EFNA5: variants seen among roughly 807,000 people sequenced by gnomAD.
EFNA5 encodes ephrin A5.
Under a neutral mutation model 22.9 loss-of-function variants are expected in EFNA5, and 5 were observed. The ratio of observed to expected loss-of-function variants is 0.22; its 90% CI spans 0.11 to 0.46. The LOEUF is 0.46. Ranked by LOEUF, EFNA5 falls within the 20% of genes least tolerant of loss-of-function variation. EFNA5 has a pLI of 0.99. For synonymous variants in EFNA5, 113 were observed against 112.2 expected (o/e 1.01, Z -0.04); for missense variants, 237 against 293.3 (o/e 0.81, Z 1.40).
intron 1 of EFNA5, among the ~76,000 whole-genome samples, chr5:107,572,624 G>A (rs1454237569): frequency 6.6e-6 from 1 of 152,176 alleles, no homozygotes; most frequent in African/African-American, 2.4e-5. Flanking sequence ...TAAATTATTA[G>A]CACATGGACA....
At chr5:107,645,237 T>C (rs1306345049) in intron 1 of EFNA5, among the ~76,000 whole-genome samples, 1 of 152,220 alleles carries the variant, frequency 6.6e-6, no homozygotes, top group African/African-American at 2.4e-5. Flanking sequence ...GTGAAAAGCT[T>C]CAAACAAGGG....
intron 1 of EFNA5, among the ~76,000 whole-genome samples, chr5:107,599,328 A>C (rs9686509): frequency 0.5 from 76,743 of 152,086 alleles, 21,002 homozygotes; most frequent in African/African-American, 0.69. Context: ...ACATATTTCC[A>C]ATTTAAAAAG....
intron 1 of EFNA5, among the ~76,000 whole-genome samples, chr5:107,436,470 A>G (rs1749113457): frequency 6.6e-6 from 1 of 152,194 alleles, no homozygotes; most frequent in South Asian, 2.1e-4. Flanking sequence ...AGATCACTTC[A>G]AATGGCTTTC....
chr5:107,408,961 T>C (rs137978897), intron 2 of EFNA5, among the ~76,000 whole-genome samples: 188 of 152,322 alleles, frequency 1.2e-3, no homozygotes, highest in African/African-American at 4.5e-3. Flanking sequence ...GAAGGTTCTG[T>C]ATGGGATGGA....
chr5:107,582,099 G>GT (rs1749085115), intron 1 of EFNA5, among the ~76,000 whole-genome samples: 1 of 152,080 alleles, frequency 6.6e-6, no homozygotes, highest in Admixed American at 6.5e-5. Context: ...AAAGATGAGT[G>GT]TAACAAAAAA....
chr5:107,484,394 C>A (rs1746521824), intron 1 of EFNA5, among the ~76,000 whole-genome samples: 1 of 152,116 alleles, frequency 6.6e-6, no homozygotes, highest in South Asian at 2.1e-4. Context: ...TCTCTTACTG[C>A]ACAGCTGCCA....
rs552769834 is a variant in EFNA5 at position 107,403,244 on chromosome 5, T to C, written c.419-15473A>G. On this transcript the variant is annotated intron_variant, in intron 2 of 4. Transcript: ENST00000333274. ...CCAAAATGAGTTGCACAACTTGTGA[T>C]CCCTTTGATGACCCGAGAAGGTTAG... 2.6e-5 allele frequency among the ~76,000 whole-genome samples: 4 copies of C among 152,312 alleles called. 1 individual carries two copies. Among genetic ancestry groups the C allele is most frequent in the South Asian group, 2.1e-4 (1 of 4,826 alleles).
At chr5:107,442,865 T>A (rs1287332578) in intron 1 of EFNA5, among the ~76,000 whole-genome samples, 2 of 141,040 alleles carry the variant, frequency 1.4e-5, no homozygotes, top group African/African-American at 2.7e-5. Context: ...ACAATACAGA[T>A]GGTATTTCCC....
chr5:107,587,584 T>C (rs965121558), intron 1 of EFNA5, among the ~76,000 whole-genome samples: 26 of 152,194 alleles, frequency 1.7e-4, no homozygotes, highest in African/African-American at 6.0e-4. Context: ...TGGCGCGATC[T>C]TGGCTCACTG....
chr5:107,604,304 C>G (rs74433306), intron 1 of EFNA5, among the ~76,000 whole-genome samples: 1 of 152,074 alleles, frequency 6.6e-6, no homozygotes, highest in Non-Finnish European at 1.5e-5. Context: ...CTCAGCCTCC[C>G]GAGTAGCTGG....
rs529811070 is a variant in EFNA5, at chr5:107,428,536, G to A, written c.126-1027C>T. On this transcript the variant is annotated intron_variant, in intron 1 of 4. Coordinates refer to ENST00000333274, the MANE Select transcript of EFNA5 (RefSeq NM_001962.3). ...CGAACAGTATTTCCCAAGACACAAC[G>A]ATGTGTGAAACAGGAACTGTTATGC... Among the ~76,000 whole-genome samples, 22 of 152,302 alleles carry A rather than the reference G, an allele frequency of 1.4e-4. No homozygotes were observed. The South Asian group carries it at 3.9e-3, about 27-fold the overall frequency.
chr5:107,523,571 G>A (rs1316619899), intron 1 of EFNA5, among the ~76,000 whole-genome samples: 1 of 152,222 alleles, frequency 6.6e-6, no homozygotes, highest in Non-Finnish European at 1.5e-5. Context: ...GGCATAAAGA[G>A]AGTATTATGG....
chr5:107,401,360 T>A (rs1231442998), intron 2 of EFNA5, among the ~76,000 whole-genome samples: 2 of 152,164 alleles, frequency 1.3e-5, no homozygotes, highest in African/African-American at 4.8e-5. Context: ...ATCTAAGAGG[T>A]CTCAATTGAA....
At chr5:107,630,645 C>G (rs866228932) in intron 1 of EFNA5, among the ~76,000 whole-genome samples, 10 of 151,910 alleles carry the variant, frequency 6.6e-5, no homozygotes, top group Admixed American at 2.0e-4. Flanking sequence ...TTTATGAACA[C>G]TGGACACTGA....
chr5:107,662,790 TAAAAAAA>T (rs5870277), intron 1 of EFNA5, among the ~76,000 whole-genome samples: 1 of 133,388 alleles, frequency 7.5e-6, no homozygotes, highest in Non-Finnish European at 1.6e-5. Flanking sequence ...CTTGAGTAAT[TAAAAAAA>T]AAAAAAAAAG....
At chr5:107,665,446 T>C (rs1200386413) in intron 1 of EFNA5, among the ~76,000 whole-genome samples, 1 of 152,258 alleles carries the variant, frequency 6.6e-6, no homozygotes, top group East Asian at 1.9e-4. Flanking sequence ...CTGAAGCTAC[T>C]GTCAGCCACA....
At chr5:107,669,351 C>G (rs977490880) in intron 1 of EFNA5, among the ~76,000 whole-genome samples, 3 of 152,110 alleles carry the variant, frequency 2.0e-5, no homozygotes, top group Admixed American at 1.3e-4. Context: ...GCAATCGGTA[C>G]TATTAATAAA....
At chr5:107,511,041 T>TGTGTGTGTGTGTGTGTGTGA (rs1363882358) in intron 1 of EFNA5, among the ~76,000 whole-genome samples, 71 of 149,840 alleles carry the variant, frequency 4.7e-4, no homozygotes, top group African/African-American at 1.7e-3. Context: ...TGTGTGTGTG[T>TGTGTGTGTGTGTGTGTGTGA]GAGACGGAGA....
At chr5:107,492,826 T>G (rs769848897) in intron 1 of EFNA5, among the ~76,000 whole-genome samples, 1 of 151,974 alleles carries the variant, frequency 6.6e-6, no homozygotes, top group Non-Finnish European at 1.5e-5. Context: ...TGGTGAAACC[T>G]CGTCTCTACT....
Sources: gnomAD v4.1 joint callset for allele counts (sites outside exome capture counted in the v4.1 genomes callset) on GRCh38, gnomAD v4.1.1 for gene constraint, MANE v1.5 for transcripts, NCBI Gene and HGNC (gene_info 2026-07-23, HGNC 2026-07-21) for gene names.